PES1: variants seen among roughly 807,000 people sequenced by gnomAD.
PES1 encodes the protein pescadillo ribosomal biogenesis factor 1.
Under a neutral mutation model 77.1 loss-of-function variants are expected in PES1, and 31 were observed. The observed-to-expected ratio is 0.40, with a 90% CI of 0.30 to 0.54. PES1 has a LOEUF of 0.54. Ranked by LOEUF, PES1 falls within the 20% of genes least tolerant of loss-of-function variation. PES1 has a pLI of 0.45. For synonymous variants in PES1, 282 were observed against 303.0 expected (o/e 0.93, Z 0.72); for missense variants, 658 against 771.7 (o/e 0.85, Z 1.75).
chr22:30,603,601 C>T (rs1479559183), intron 2 of PES1, among the ~76,000 whole-genome samples: 2 of 151,972 alleles, frequency 1.3e-5, no homozygotes, highest in Non-Finnish European at 1.5e-5. Context: ...AGGCTGGTCT[C>T]GAACTCCTGA....
chr22:30,581,736 T>C, intron 6 of PES1, 92 bp from the exon 7 acceptor site: 2 of 870,718 alleles, frequency 2.3e-6, no homozygotes, highest in Non-Finnish European at 3.8e-6. Flanking sequence ...GTGTCTGACC[T>C]ACCCAAAGAC....
upstream of PES1, among the ~76,000 whole-genome samples, chr22:30,592,963 G>A (rs917500581): frequency 6.7e-5 from 10 of 148,952 alleles, no homozygotes; most frequent in Non-Finnish European, 1.2e-4. Flanking sequence ...ATTTTAAGAG[G>A]TTTTTTTTTT....
intron 1 of PES1, among the ~76,000 whole-genome samples, chr22:30,591,510 C>T (rs564108905): frequency 1.3e-5 from 2 of 152,318 alleles, no homozygotes; most frequent in South Asian, 4.1e-4. Context: ...TGTTTATCAC[C>T]CTTTCGGTAA....
At position 30,584,418 on chromosome 22, in the gene PES1, C is replaced by T. The variant is rs772348434; in HGVS notation, c.577G>A (p.Glu193Lys). Reference protein sequence around the residue: ...LSIKGIYYQAEVLGQPIVWIT... With the variant: ...LSIKGIYYQAKVLGQPIVWIT... The stretch of plus-strand genomic sequence containing the variant: ...CACACGATGGGCTGCCCCAGTACCT[C>T]GGCCTGGTAGTAAATGCCTTTGATG... Residue 193 changes from glutamate to lysine, a missense_variant, in exon 6 of 15, where the codon GAG (glutamate) becomes AAG (lysine). Glu to Lys is a moderately conservative substitution (Grantham distance 56). Coordinates refer to ENST00000354694, the MANE Select transcript of PES1 (RefSeq NM_014303.4). The T allele has an allele frequency of 9.9e-6, 16 of 1,612,454 alleles. No individual in the cohort carries two copies. Among genetic ancestry groups the T allele is most frequent in the African/African-American group, 1.3e-5 (1 of 75,024 alleles).
Position 30,581,413 on chromosome 22 carries a change from T to A in PES1, c.748-5A>T, listed in dbSNP as rs756817902. ...TGCTTGGGCCTGACCCTCGAGCTAG[T>A]AGGCAAAGGGAAGGTCAGGAGGCAG... On this transcript the variant is annotated splice_region_variant and splice_polypyrimidine_tract_variant and intron_variant, in intron 7 of 14. Transcript: ENST00000354694. The A allele has an allele frequency of 1.4e-5, 22 of 1,613,418 alleles. No individual in the cohort carries two copies. The highest frequency in any genetic ancestry group is 1.7e-5 in the Non-Finnish European group (20 of 1,179,974).
intron 2 of PES1, among the ~76,000 whole-genome samples, chr22:30,602,722 A>G (rs192498319): frequency 6.6e-6 from 1 of 151,418 alleles, no homozygotes; most frequent in African/African-American, 2.4e-5. Context: ...AAAAGGCATC[A>G]CCTCTTCTTG....
At chr22:30,596,339 A>AGT (rs112899417), upstream of PES1, among the ~76,000 whole-genome samples, 2,443 of 149,744 alleles carry the variant, frequency 0.016, 28 homozygotes, top group South Asian at 0.035. Context: ...TGTTTTTTCA[A>AGT]GTGTGTGTGT....
At chr22:30,606,736 C>G (rs1326576647) in intron 1 of PES1, 12 of 604,354 alleles carry the variant, frequency 2.0e-5, no homozygotes, top group Non-Finnish European at 1.9e-5. Flanking sequence ...ACTCCCCCAC[C>G]CCCACAATCC....
chr22:30,599,806 G>C (rs1302961446), intron 2 of PES1, among the ~76,000 whole-genome samples: 1 of 152,072 alleles, frequency 6.6e-6, no homozygotes, highest in African/African-American at 2.4e-5. Context: ...AGGCTGAGGC[G>C]GGGGAATCGC....
chr22:30,579,220 C>T lies in PES1; in HGVS notation c.1438G>A (p.Glu480Lys). 1 of 1,606,332 alleles carries T rather than the reference C, an allele frequency of 6.2e-7. No individual in the cohort carries two copies. The highest frequency in any genetic ancestry group is 8.5e-7 in the Non-Finnish European group (1 of 1,178,992). The part of the protein sequence containing the change: ...DGDEEGENEE[E>K]EEDAEAGSEK... ...GAACCAGCCTCTGCATCTTCCTCCTCCTCCTCATTTTCTCCCTCTTCATCA... is the reference window on the plus strand; with the variant it reads ...GAACCAGCCTCTGCATCTTCCTCCTTCTCCTCATTTTCTCCCTCTTCATCA... The change falls in exon 13 of 15, where the codon GAG becomes AAG. Residue 480 changes from glutamate to lysine, a missense_variant. Glu to Lys is a moderately conservative substitution (Grantham distance 56). Transcript: ENST00000354694.
chr22:30,587,737 G>C (rs967621603), intron 3 of PES1, among the ~76,000 whole-genome samples: 3 of 152,226 alleles, frequency 2.0e-5, no homozygotes, highest in Non-Finnish European at 4.4e-5. Flanking sequence ...GACAGGATGA[G>C]AAAGGCTGGC....
chr22:30,590,289 C>T (rs746086718), intron 1 of PES1, among the ~76,000 whole-genome samples: 1 of 152,164 alleles, frequency 6.6e-6, no homozygotes, highest in Non-Finnish European at 1.5e-5. Context: ...TGCACTGTAA[C>T]AAATACCCTG....
chr22:30,580,885 C>T (rs1413093062), intron 9 of PES1, 127 bp downstream of exon 9: 11 of 1,162,986 alleles, frequency 9.5e-6, no homozygotes, highest in Non-Finnish European at 1.4e-5. Flanking sequence ...CAATTCAGCC[C>T]ATTCTTCTGC....
upstream of PES1, chr22:30,591,937 GTC>G: frequency 2.1e-6 from 3 of 1,456,488 alleles, no homozygotes; most frequent in Admixed American, 5.2e-5. Context: ...ACCCCACGCT[GTC>G]TGTTTGTGCG....
At chr22:30,592,345 G>T, upstream of PES1, 4 of 989,658 alleles carry the variant, frequency 4.0e-6, no homozygotes, top group Non-Finnish European at 4.8e-6. Flanking sequence ...GGGTGAGACT[G>T]CGCTGAGTTC....
rs1056211075 is a variant in PES1, at chr22:30,581,243, C to T, written c.822+91G>A. On this transcript the variant is annotated intron_variant, in intron 8 of 14. Transcript: ENST00000354694. ...GCTGAGACCACCCACCTAGCCATAA[C>T]CACCCCCACTCTGAACCAGACCCCC... 4 of 1,452,598 alleles carry T rather than the reference C, an allele frequency of 2.8e-6. No homozygotes were observed. The African/African-American group carries it at 5.6e-5, about 20-fold the overall frequency. 90.0% of individuals were successfully genotyped at this position (1,452,598 alleles called of 1,614,324 possible). A position where few individuals can be genotyped will look rare whatever the true frequency, so the allele number is the denominator to read the frequency against.
chr22:30,598,870 T>C (rs1371391010), intron 2 of PES1, among the ~76,000 whole-genome samples: 2 of 144,424 alleles, frequency 1.4e-5, no homozygotes. Context: ...TTCAAGTTTA[T>C]GTGACTTAAG....
upstream of PES1, among the ~76,000 whole-genome samples, chr22:30,595,912 T>C (rs1462944263): frequency 6.6e-6 from 1 of 152,072 alleles, no homozygotes; most frequent in Non-Finnish European, 1.5e-5. Flanking sequence ...GAAGTGCAAT[T>C]ATAGGGGGTG....
chr22:30,601,848 C>G (rs2087359426), intron 2 of PES1: 1 of 151,728 alleles, frequency 6.6e-6, no homozygotes, highest in Non-Finnish European at 1.5e-5. Flanking sequence ...TCTCAGCTCA[C>G]TACAATCTCT....
Sources: allele counts gnomAD v4.1 joint callset (sites outside exome capture counted in the v4.1 genomes callset), GRCh38; gene constraint gnomAD v4.1.1; transcripts MANE v1.5; gene names NCBI Gene and HGNC (gene_info 2026-07-23, HGNC 2026-07-21).